RNF24: variants seen among roughly 807,000 people sequenced by gnomAD.
RNF24 encodes ring finger protein 24.
RNF24 carries 14 observed loss-of-function variants against 20.0 expected under a neutral mutation model. The observed-to-expected ratio is 0.70, with a 90% CI of 0.46 to 1.10. The LOEUF (loss-of-function observed/expected upper bound fraction) is 1.10. Among genes scored for constraint, RNF24 ranks in the 50% least tolerant of loss-of-function variants. RNF24 has a pLI of 0.00. For missense variants in RNF24, 124 were observed against 177.6 expected (o/e 0.70, Z 1.71); for synonymous variants, 45 against 61.1 (o/e 0.74, Z 1.23).
At position 3,995,912 on chromosome 20, in the gene RNF24, G is replaced by A. The variant is rs530022341; in HGVS notation, c.-8+19525C>T. On this transcript the variant is annotated intron_variant, in intron 1 of 5. Transcript: ENST00000358395. The stretch of plus-strand genomic sequence containing the variant: ...AATGAGTCTTAAAGAATCAAGACTT[G>A]CAATTTCATTAGCCCTGAAAGCTCT... Among the ~76,000 whole-genome samples the A allele has an allele frequency of 3.8e-4, 57 of 151,914 alleles. 1 individual carries two copies. Among genetic ancestry groups the A allele is most frequent in the African/African-American group, 1.3e-3 (55 of 41,436 alleles).
chr20:3,972,397 G>A (rs1978425155), intron 1 of RNF24, among the ~76,000 whole-genome samples: 1 of 152,110 alleles, frequency 6.6e-6, no homozygotes. Flanking sequence ...CACATTCCTG[G>A]TCATAAAACA....
chr20:4,005,346 A>C (rs1211348318), intron 1 of RNF24, among the ~76,000 whole-genome samples: 1 of 152,224 alleles, frequency 6.6e-6, no homozygotes, highest in Non-Finnish European at 1.5e-5. Context: ...TCTGTGATTT[A>C]AGAAAAAAAA....
At chr20:3,973,901 C>T (rs981307829) in intron 1 of RNF24, among the ~76,000 whole-genome samples, 46 of 151,986 alleles carry the variant, frequency 3.0e-4, no homozygotes, top group African/African-American at 9.7e-4. Context: ...GAAGCCAATG[C>T]GACCTTGATA....
chr20:3,974,218 T>G, intron 1 of RNF24: 1 of 1,040,430 alleles, frequency 9.6e-7, no homozygotes, highest in Non-Finnish European at 1.4e-6. Context: ...AGAGAACTTC[T>G]TCAACATGTT....
rs540933288 is a variant in RNF24 at position 3,989,690 on chromosome 20, G to C, written c.-7-25666C>G. 3.9e-5 allele frequency among the ~76,000 whole-genome samples: 6 copies of C among 152,278 alleles called. No individual in the cohort carries two copies. The South Asian group carries it at 6.2e-4, about 16-fold the overall frequency. On this transcript the variant is annotated intron_variant, in intron 1 of 5. Transcript: ENST00000358395. ...TGTGACTAAAACTTGTCAGCGAGCT[G>C]TGAAGGGAACTGATGTATATCTCTT...
chr20:3,973,291 C>A (rs1375228772), intron 1 of RNF24, among the ~76,000 whole-genome samples: 1 of 151,708 alleles, frequency 6.6e-6, no homozygotes, highest in Non-Finnish European at 1.5e-5. Context: ...ATTCATGGTA[C>A]TAAACGCACA....
At chr20:3,982,454 G>A (rs1489597059) in intron 1 of RNF24, among the ~76,000 whole-genome samples, 2 of 151,572 alleles carry the variant, frequency 1.3e-5, no homozygotes, top group Admixed American at 6.6e-5. Flanking sequence ...GTGCGTGCCT[G>A]TAATCCCAGC....
intron 1 of RNF24, among the ~76,000 whole-genome samples, chr20:3,995,897 A>G (rs892594279): frequency 2.0e-5 from 3 of 152,244 alleles, no homozygotes; most frequent in Admixed American, 2.0e-4. Flanking sequence ...AATGAGTCTT[A>G]AAGAATCAAG....
At chr20:3,993,294 CT>C (rs556944333) in intron 1 of RNF24, among the ~76,000 whole-genome samples, 42 of 146,892 alleles carry the variant, frequency 2.9e-4, no homozygotes, top group Non-Finnish European at 2.6e-4. Context: ...AAACTCACAT[CT>C]TTTTTTTTTT....
intron 1 of RNF24, among the ~76,000 whole-genome samples, chr20:3,969,798 G>T (rs142610857): frequency 6.8e-6 from 1 of 146,840 alleles, no homozygotes; most frequent in South Asian, 2.1e-4. Context: ...TTGAGATGGC[G>T]TCTTGCTCTG....
chr20:4,002,562 G>T (rs1216502244), intron 1 of RNF24, among the ~76,000 whole-genome samples: 5 of 152,036 alleles, frequency 3.3e-5, no homozygotes, highest in Admixed American at 6.6e-5. Context: ...AGAAAAGTCT[G>T]AAAAAATAGT....
intron 1 of RNF24, among the ~76,000 whole-genome samples, chr20:3,972,661 A>G (rs2179455): frequency 0.88 from 134,234 of 152,026 alleles, 59,550 homozygotes; most frequent in Non-Finnish European, 0.92. Context: ...AGCACTGTGG[A>G]GGGCCGAGGC....
intron 2 of RNF24, among the ~76,000 whole-genome samples, chr20:3,961,809 A>C (rs1206363792): frequency 6.6e-6 from 1 of 151,870 alleles, no homozygotes; most frequent in Non-Finnish European, 1.5e-5. Flanking sequence ...AGGAATTATC[A>C]AAAAAAACTA....
chr20:3,942,141 A>T (rs907420165), intron 4 of RNF24, among the ~76,000 whole-genome samples: 1 of 151,716 alleles, frequency 6.6e-6, no homozygotes, highest in Non-Finnish European at 1.5e-5. Context: ...ATCAAAAGGA[A>T]GCTGGAATGG....
Position 3,988,042 on chromosome 20 carries a change from G to C in RNF24, c.-7-24018C>G, listed in dbSNP as rs1168510638. Among the ~76,000 whole-genome samples, 4 of 152,198 alleles carry C rather than the reference G, an allele frequency of 2.6e-5. No homozygotes were observed. In the South Asian group the frequency reaches 8.3e-4, roughly 32 times the overall value. ...AAAAAAATTTTTTTTGGTATTTCAG[G>C]CTGGGCGTGGTCGCTCATGCCTATA... On this transcript the variant is annotated intron_variant, in intron 1 of 5. Transcript: ENST00000358395.
At chr20:3,942,080 G>GA (rs1358102867) in intron 4 of RNF24, among the ~76,000 whole-genome samples, 588 of 89,366 alleles carry the variant, frequency 6.6e-3, no homozygotes, top group Middle Eastern at 0.02. Flanking sequence ...TCTCAAAAAA[G>GA]AAAAAAAAAA....
At chr20:4,008,554 A>T (rs1456103847) in intron 1 of RNF24, among the ~76,000 whole-genome samples, 42 of 122,672 alleles carry the variant, frequency 3.4e-4, no homozygotes, top group African/African-American at 1.1e-3. Context: ...ATATATATAT[A>T]TATTTTTTTT....
chr20:3,994,640 C>G (rs1035651928), intron 1 of RNF24, among the ~76,000 whole-genome samples: 1 of 152,076 alleles, frequency 6.6e-6, no homozygotes, highest in Non-Finnish European at 1.5e-5. Flanking sequence ...AAACCAAACC[C>G]CTGGGAAAGG....
chr20:3,984,968 TTA>T (rs2147034497), intron 1 of RNF24, among the ~76,000 whole-genome samples: 1 of 152,294 alleles, frequency 6.6e-6, no homozygotes, highest in Non-Finnish European at 1.5e-5. Context: ...AGTAACTTCT[TTA>T]ATGTTTCCTT....
Sources: gnomAD v4.1 joint callset for allele counts (sites outside exome capture counted in the v4.1 genomes callset) on GRCh38, gnomAD v4.1.1 for gene constraint, MANE v1.5 for transcripts, NCBI Gene and HGNC (gene_info 2026-07-23, HGNC 2026-07-21) for gene names.